Variants in TNN observed in about 807,000 individuals in gnomAD.
TNN encodes the protein tenascin N.
Under a neutral mutation model 134.4 loss-of-function variants are expected in TNN, and 122 were observed. That is an observed-to-expected ratio of 0.91 (90% CI 0.78 to 1.06). TNN has a LOEUF of 1.06. Ranked by LOEUF, TNN falls within the 50% of genes least tolerant of loss-of-function variation. The pLI is 0.00. For missense variants in TNN, 1,739 were observed against 1,699.4 expected (o/e 1.02, Z -0.41); for synonymous variants, 710 against 670.3 (o/e 1.06, Z -0.91).
At chr1:175,106,257 A>C (rs141134684) in intron 9 of TNN, among the ~76,000 whole-genome samples, 3,008 of 146,076 alleles carry the variant, frequency 0.021, 407 homozygotes, top group Middle Eastern at 0.1. Context: ...ATGGAGGGCC[A>C]TACCCTGAGG....
chr1:175,095,755 A>G (rs1674555575), intron 7 of TNN, among the ~76,000 whole-genome samples: 1 of 152,052 alleles, frequency 6.6e-6, no homozygotes, highest in South Asian at 2.1e-4. Context: ...TGTATTTTTA[A>G]TAGAGACGGG....
At chr1:175,102,693 T>C (rs575254875) in intron 9 of TNN, among the ~76,000 whole-genome samples, 1 of 145,088 alleles carries the variant, frequency 6.9e-6, no homozygotes, top group Non-Finnish European at 1.5e-5. Flanking sequence ...CCTCCACACC[T>C]CCCCGCAAGC....
At chr1:175,142,228 C>G (rs920240557) in intron 17 of TNN, among the ~76,000 whole-genome samples, 2 of 152,284 alleles carry the variant, frequency 1.3e-5, no homozygotes, top group African/African-American at 4.8e-5. Context: ...GTGGAAGTGG[C>G]CTCCGTGGCC....
At chr1:175,109,630 G>A (rs139908106) in intron 9 of TNN, among the ~76,000 whole-genome samples, 93 of 150,076 alleles carry the variant, frequency 6.2e-4, no homozygotes, top group African/African-American at 2.1e-3. Flanking sequence ...CCTTTTTATG[G>A]CTGAATGGTA....
chr1:175,130,098 C>G (rs1360173324), intron 15 of TNN, among the ~76,000 whole-genome samples: 1 of 152,204 alleles, frequency 6.6e-6, no homozygotes, highest in Non-Finnish European at 1.5e-5. Context: ...CCCCTTGCCC[C>G]TTTTCTCCCT....
In TNN at chr1:175,079,354, GCCACGGGA is replaced by G. The variant is rs757340497; in HGVS notation, c.434_441del (p.His145LeufsTer43). 1.6e-4 allele frequency: 249 copies of G among 1,597,606 alleles called. 1 individual carries two copies. The East Asian group carries it at 5.5e-3, about 35-fold the overall frequency. On this transcript the variant is annotated frameshift_variant, in exon 3 of 19. Transcript: ENST00000239462. LOFTEE classifies it high-confidence loss of function. ...CCAGATCTAAGCCGCCACTGCAGCG[GCCACGGGA>G]CCTTCTCCCTGGAGACCTGCAGCTG...
intron 11 of TNN, 132 bp downstream of exon 11, chr1:175,118,956 AAAAAC>A (rs1008834588): frequency 1.5e-5 from 19 of 1,269,246 alleles, no homozygotes; most frequent in African/African-American, 7.6e-5. Flanking sequence ...AGTTTGCTGT[AAAAAC>A]AAAACAAAAC....
At chr1:175,098,702 TTGGTA>T in intron 9 of TNN, 107 bp downstream of exon 9, 1 of 1,508,778 alleles carries the variant, frequency 6.6e-7, no homozygotes, top group Non-Finnish European at 9.0e-7. Flanking sequence ...GAAGAGCAGG[TTGGTA>T]TCCTCCCATA....
intron 9 of TNN, among the ~76,000 whole-genome samples, chr1:175,111,689 T>C (rs1226870811): frequency 2.6e-5 from 4 of 152,142 alleles, no homozygotes; most frequent in African/African-American, 9.7e-5. Flanking sequence ...TTTATGGTTT[T>C]TCCTTGCAGC....
chr1:175,098,412 G>T lies in TNN; in HGVS notation c.1936G>T (p.Ala646Ser), dbSNP rs200671106. 5.0e-6 allele frequency: 8 copies of T among 1,614,004 alleles called. No homozygotes were observed. Among genetic ancestry groups the T allele is most frequent in the Non-Finnish European group, 6.8e-6 (8 of 1,180,012 alleles). ...GGTCTCCTGGGACCCGGTGCAGGCC[G>T]CCATTGACAAGTACGTGGTGCGCTA... ...ATVSWDPVQA[A>S]IDKYVVRYTS... is the part of the protein sequence containing the mutation. Residue 646 changes from alanine (A) to serine (S), a missense_variant, in exon 9 of 19, where the codon GCC (alanine) becomes TCC (serine). By Grantham distance (99) the Ala-to-Ser change is moderately conservative (BLOSUM62 1). Transcript: ENST00000239462.
Position 175,123,548 on chromosome 1 carries a change from G to A in TNN, c.2799G>A (p.Lys933=). The A allele has an allele frequency of 1.2e-6, 2 of 1,614,082 alleles. No individual in the cohort carries two copies. The highest frequency in any genetic ancestry group is 1.7e-6 in the Non-Finnish European group (2 of 1,179,932). The change falls in exon 12 of 19, where the codon AAG becomes AAA. Residue 933 remains lysine (K), a synonymous_variant. Coordinates refer to ENST00000239462, the MANE Select transcript of TNN (RefSeq NM_022093.2). ...DGETREVPVG[K]EHSSTVLTGL... Reference sequence around the variant, plus strand: ...AGACCAGGGAGGTTCCGGTGGGGAAGGAGCACAGCAGCACTGTCCTGACGG... The same window carrying A: ...AGACCAGGGAGGTTCCGGTGGGGAAAGAGCACAGCAGCACTGTCCTGACGG...
intron 9 of TNN, among the ~76,000 whole-genome samples, chr1:175,108,772 A>G (rs1674934004): frequency 1.3e-5 from 2 of 150,532 alleles, no homozygotes; most frequent in South Asian, 4.2e-4. Flanking sequence ...CTCCAAGCCC[A>G]TGCCCACCTA....
chr1:175,077,805 G>A lies in TNN; in HGVS notation c.387G>A (p.Gln129=), dbSNP rs994656540. 6.2e-7 allele frequency: 1 copy of A among 1,611,822 alleles called. No individual in the cohort carries two copies. Among genetic ancestry groups the A allele is most frequent in the Non-Finnish European group, 8.5e-7 (1 of 1,178,004 alleles). The change falls in exon 2 of 19, where the codon CAG becomes CAA. Residue 129 remains glutamine, a synonymous_variant. Transcript: ENST00000239462. ...MVEMKEQCSA[Q]RCCQGVTDLS... ...AGATGAAGGAACAGTGTAGTGCCCA[G>A]CGCTGCTGCCAGGGAGTCACTGGTG...
At chr1:175,124,613 G>C (rs1210688552) in intron 12 of TNN, among the ~76,000 whole-genome samples, 3 of 152,118 alleles carry the variant, frequency 2.0e-5, no homozygotes, top group Non-Finnish European at 4.4e-5. Flanking sequence ...CCCAGGAGGA[G>C]GAGGTTGCAG....
At chr1:175,135,973 GT>G (rs1574177969) in intron 16 of TNN, 32 bp downstream of exon 16, 1 of 1,513,834 alleles carries the variant, frequency 6.6e-7, no homozygotes, top group Non-Finnish European at 9.2e-7. Context: ...GGCTGGGGCT[GT>G]GGGGGGTGAT....
At chr1:175,120,388 G>T (rs576359252) in intron 11 of TNN, among the ~76,000 whole-genome samples, 2 of 152,312 alleles carry the variant, frequency 1.3e-5, no homozygotes, top group Admixed American at 1.3e-4. Context: ...AGTAGTAATA[G>T]GATATACATA....
intron 9 of TNN, among the ~76,000 whole-genome samples, chr1:175,107,433 T>C (rs1674889287): frequency 6.9e-6 from 1 of 144,442 alleles, no homozygotes; most frequent in Admixed American, 7.0e-5. Context: ...ACCTTCGTGG[T>C]GAGTGTTACA....
rs1487576282 is a variant in TNN at position 175,147,643 on chromosome 1, C to A, written c.*572C>A. On this transcript the variant is annotated 3_prime_UTR_variant, in exon 19 of 19. Coordinates refer to ENST00000239462, the MANE Select transcript of TNN (RefSeq NM_022093.2). The stretch of plus-strand genomic sequence containing the variant: ...GGACTCATGTTTAGCTAAGTTCTGA[C>A]TTGTATCCAGCATGCTGGAGACCAA... 1 of 152,222 alleles carries A rather than the reference C, an allele frequency of 6.6e-6. No homozygotes were observed. Among genetic ancestry groups the A allele is most frequent in the African/African-American group, 2.4e-5 (1 of 41,446 alleles). 9.4% of individuals were successfully genotyped at this position (152,222 alleles called of 1,614,324 possible). A position where few individuals can be genotyped will look rare whatever the true frequency, so the allele number is the denominator to read the frequency against.
In TNN at chr1:175,109,072, ATTTTTTTT is replaced by A. The variant is rs1160268455; in HGVS notation, c.2120-7847_2120-7840del. ...GAATGTATTTCTTCTATCTAACTGT[ATTTTTTTT>A]TTTTTTTTTTTTTTTTTTTGAGACG... On this transcript the variant is annotated intron_variant, in intron 9 of 18. Transcript: ENST00000239462. 1.7e-3 allele frequency among the ~76,000 whole-genome samples: 105 copies of A among 61,980 alleles called. 1 individual carries two copies. Among genetic ancestry groups the A allele is most frequent in the Middle Eastern group, 0.01 (1 of 98 alleles). 40.7% of individuals were successfully genotyped at this position (61,980 alleles called of 152,430 possible). A position where few individuals can be genotyped will look rare whatever the true frequency, so the allele number is the denominator to read the frequency against.
Sources: gnomAD v4.1 joint callset for allele counts (sites outside exome capture counted in the v4.1 genomes callset) on GRCh38, gnomAD v4.1.1 for gene constraint, MANE v1.5 for transcripts, NCBI Gene and HGNC (gene_info 2026-07-23, HGNC 2026-07-21) for gene names.